Variants in CSMD1 observed in about 807,000 individuals in gnomAD.
CSMD1 encodes the protein CUB and Sushi multiple domains 1.
A neutral mutation model predicts 417.5 loss-of-function variants in CSMD1; 213 were observed. That is an observed-to-expected ratio of 0.51 (90% confidence interval 0.46 to 0.57). The LOEUF is 0.57. Ranked by LOEUF, CSMD1 falls within the 20% of genes least tolerant of loss-of-function variation. The pLI is 0.00. For synonymous variants in CSMD1, 2,862 were observed against 1,736.8 expected (o/e 1.65, Z -16.11); for missense variants, 6,923 against 4,529.7 (o/e 1.53, Z -15.17).
rs181138416 is a variant in CSMD1 at position 4,889,011 on chromosome 8, A to G, written c.85+105321T>C. On this transcript the variant is annotated intron_variant, in intron 1 of 69. Coordinates refer to ENST00000635120, the MANE Select transcript of CSMD1 (RefSeq NM_033225.6). ...AAATGATGGAAATAGAAAAATCACC[A>G]TTTGGCAAACACGATGGCATTTATT... Among the ~76,000 whole-genome samples, 247 of 152,274 alleles carry G rather than the reference A, an allele frequency of 1.6e-3. 1 individual carries two copies. The highest frequency in any genetic ancestry group is 3.9e-3 in the Admixed American group (59 of 15,310).
At chr8:4,612,494 C>T (rs1304290759) in intron 2 of CSMD1, among the ~76,000 whole-genome samples, 1 of 152,182 alleles carries the variant, frequency 6.6e-6, no homozygotes, top group Non-Finnish European at 1.5e-5. Flanking sequence ...GAGATGACCA[C>T]AACAGGCAAA....
chr8:3,359,380 G>C (rs1167542138), intron 20 of CSMD1, 40 bp from the exon 21 acceptor site: 1 of 1,469,596 alleles, frequency 6.8e-7, no homozygotes, highest in African/African-American at 1.4e-5. Flanking sequence ...TGAGGATTTG[G>C]GTAAATACAC....
intron 3 of CSMD1, among the ~76,000 whole-genome samples, chr8:4,220,917 T>C (rs868840809): frequency 2.0e-5 from 3 of 152,180 alleles, no homozygotes; most frequent in South Asian, 2.1e-4. Context: ...GGCTTCCTGA[T>C]AGAACATGTG....
chr8:3,638,186 C>T (rs1487483598), intron 7 of CSMD1, among the ~76,000 whole-genome samples: 13 of 152,118 alleles, frequency 8.5e-5, no homozygotes, highest in Admixed American at 8.5e-4. Context: ...TTACTTCAAA[C>T]CCAGTTCAGC....
intron 1 of CSMD1, among the ~76,000 whole-genome samples, chr8:4,870,201 T>G (rs1802654575): frequency 6.6e-6 from 1 of 152,160 alleles, no homozygotes; most frequent in Non-Finnish European, 1.5e-5. Flanking sequence ...AAATAACTGT[T>G]AATTCCCTGG....
chr8:4,482,104 T>A (rs1188562925), intron 2 of CSMD1, among the ~76,000 whole-genome samples: 5 of 152,192 alleles, frequency 3.3e-5, no homozygotes, highest in African/African-American at 4.8e-5. Flanking sequence ...AACTCTCTTT[T>A]AAAAAACTTT....
At chr8:4,942,681 C>T (rs1427727246) in intron 1 of CSMD1, among the ~76,000 whole-genome samples, 1 of 152,168 alleles carries the variant, frequency 6.6e-6, no homozygotes, top group Non-Finnish European at 1.5e-5. Context: ...CCGCATATCA[C>T]ACTGTGATAG....
intron 50 of CSMD1, among the ~76,000 whole-genome samples, chr8:3,044,582 C>T (rs1197436355): frequency 6.6e-6 from 1 of 151,792 alleles, no homozygotes; most frequent in African/African-American, 2.4e-5. Flanking sequence ...ATGTCATTAG[C>T]ATGAATCGTG....
intron 7 of CSMD1, among the ~76,000 whole-genome samples, chr8:3,669,267 T>C (rs915604768): frequency 8.5e-5 from 13 of 152,218 alleles, no homozygotes; most frequent in Non-Finnish European, 8.8e-5. Context: ...AAATGTCTCA[T>C]CTGTGTTTTC....
rs1391352344 is a variant in CSMD1 at position 3,189,271 on chromosome 8, G to T, written c.5399-260C>A. 2.0e-5 allele frequency among the ~76,000 whole-genome samples: 3 copies of T among 152,214 alleles called. No homozygotes were observed. In the East Asian group the frequency reaches 5.8e-4, roughly 29 times the overall value. On this transcript the variant is annotated intron_variant, in intron 34 of 69. Coordinates refer to ENST00000635120, the MANE Select transcript of CSMD1 (RefSeq NM_033225.6). Reference sequence around the variant, plus strand: ...TCCAAGTTCTCTAAGAAGGGATGATGTCCAATGATGGCATCTCCAAAGTGA... The same window carrying T: ...TCCAAGTTCTCTAAGAAGGGATGATTTCCAATGATGGCATCTCCAAAGTGA...
rs1016835251 is a variant in CSMD1 at position 3,190,262 on chromosome 8, T to C, written c.5195-147A>G. On this transcript the variant is annotated intron_variant, in intron 33 of 69. Transcript: ENST00000635120. ...CTCCAACAATCGCTATAGAGAATGA[T>C]TTGAGGCGCTGGGACCACGCAGAGC... The C allele has an allele frequency of 5.7e-6, 3 of 530,004 alleles. No individual in the cohort carries two copies. The Admixed American group carries it at 1.1e-4, about 20-fold the overall frequency. The allele number at this position is 530,004 out of a possible 1,614,324, so 32.8% of individuals were successfully genotyped here. A position where few individuals can be genotyped will look rare whatever the true frequency, so the allele number is the denominator to read the frequency against.
intron 1 of CSMD1, among the ~76,000 whole-genome samples, chr8:4,760,787 CA>C (rs1811988365): frequency 6.6e-6 from 1 of 152,030 alleles, no homozygotes; most frequent in Admixed American, 6.6e-5. Flanking sequence ...TTAGATCTGT[CA>C]AAAACAAAAA....
At position 3,007,713 on chromosome 8, in the gene CSMD1, C is replaced by T. The variant is rs189206226; in HGVS notation, c.8030-7582G>A. 2.7e-3 allele frequency among the ~76,000 whole-genome samples: 385 copies of T among 142,546 alleles called. 4 individuals are homozygous for T. The highest frequency in any genetic ancestry group is 4.1e-3 in the Middle Eastern group (1 of 244). 93.5% of individuals were successfully genotyped at this position (142,546 alleles called of 152,430 possible). On this transcript the variant is annotated intron_variant, in intron 52 of 69. Coordinates refer to ENST00000635120, the MANE Select transcript of CSMD1 (RefSeq NM_033225.6). ...GCATATTCTCACTCATAGGTGGGAA[C>T]TGAACAGTGAGATCACATGGACACA...
At chr8:3,832,177 C>T (rs1193593495) in intron 5 of CSMD1, among the ~76,000 whole-genome samples, 1 of 152,118 alleles carries the variant, frequency 6.6e-6, no homozygotes, top group East Asian at 1.9e-4. Flanking sequence ...AGGCAAACAG[C>T]CGTGGAGGCT....
At chr8:3,833,867 T>A (rs574904689) in intron 5 of CSMD1, among the ~76,000 whole-genome samples, 2 of 152,284 alleles carry the variant, frequency 1.3e-5, no homozygotes, top group South Asian at 2.1e-4. Flanking sequence ...AACTTTGATT[T>A]GAAGTGTAGT....
At chr8:4,218,697 A>G (rs1024375710) in intron 3 of CSMD1, among the ~76,000 whole-genome samples, 2 of 152,182 alleles carry the variant, frequency 1.3e-5, no homozygotes, top group African/African-American at 4.8e-5. Flanking sequence ...ATCTCTTCAA[A>G]TAGAGGCAAC....
At chr8:4,815,049 C>G (rs770195179) in intron 1 of CSMD1, among the ~76,000 whole-genome samples, 8 of 152,018 alleles carry the variant, frequency 5.3e-5, no homozygotes, top group Non-Finnish European at 1.0e-4. Context: ...TGAATTATGA[C>G]TTGACTGGAG....
chr8:3,349,455 G>A (rs906936270), intron 21 of CSMD1, among the ~76,000 whole-genome samples: 1 of 151,968 alleles, frequency 6.6e-6, no homozygotes, highest in Non-Finnish European at 1.5e-5. Flanking sequence ...AAGTCAGAGA[G>A]GAGAACGCTT....
intron 5 of CSMD1, among the ~76,000 whole-genome samples, chr8:3,895,826 C>T (rs1217533318): frequency 6.6e-6 from 1 of 152,188 alleles, no homozygotes; most frequent in African/African-American, 2.4e-5. Flanking sequence ...TGAGCCACAG[C>T]TCTGACCTGG....
Sources: allele counts gnomAD v4.1 joint callset (sites outside exome capture counted in the v4.1 genomes callset), GRCh38; gene constraint gnomAD v4.1.1; transcripts MANE v1.5; gene names NCBI Gene and HGNC (gene_info 2026-07-23, HGNC 2026-07-21).